Variants in PTCD3 observed in about 807,000 individuals in gnomAD.
PTCD3 encodes small ribosomal subunit protein mS39.
In PTCD3, 89 loss-of-function variants were observed where a neutral mutation model predicts 101.9. The ratio of observed to expected loss-of-function variants is 0.87; its 90% confidence interval spans 0.74 to 1.04. The LOEUF (loss-of-function observed/expected upper bound fraction) is 1.04, where lower values mean the gene tolerates loss of function less well. PTCD3 is among the 50% of genes least tolerant of loss of function. The pLI, the probability that PTCD3 is intolerant of heterozygous loss-of-function variation, is 0.00. For synonymous variants in PTCD3, 296 were observed against 278.5 expected (o/e 1.06, Z -0.63); for missense variants, 870 against 828.2 (o/e 1.05, Z -0.62).
intron 22 of PTCD3, 56 bp downstream of exon 22, chr2:86,136,618 G>A (rs1440254703): frequency 6.4e-7 from 1 of 1,558,344 alleles, no homozygotes; most frequent in Non-Finnish European, 8.9e-7. Context: ...GCCACATTTG[G>A]AATTTCTTCA....
At position 86,125,083 on chromosome 2, in the gene PTCD3, G is replaced by T. The variant is rs1674359386; in HGVS notation, c.804+1G>T. The T allele has an allele frequency of 1.2e-6, 2 of 1,613,092 alleles. No homozygotes were observed. Among genetic ancestry groups the T allele is most frequent in the South Asian group, 2.2e-5 (2 of 90,816 alleles). On this transcript the variant is annotated splice_donor_variant, in intron 10 of 23. Transcript: ENST00000254630. LOFTEE classifies it high-confidence loss of function. Reference sequence around the variant, plus strand: ...CACAATGATCCGAGGAATGGTGAAGGTACATTTGTTTTATTTATTTTTGTC... The same window carrying T: ...CACAATGATCCGAGGAATGGTGAAGTTACATTTGTTTTATTTATTTTTGTC...
In PTCD3 at chr2:86,111,191, A is replaced by G. The variant is rs746013740; in HGVS notation, c.240+33A>G. On this transcript the variant is annotated intron_variant, in intron 4 of 23. Transcript: ENST00000254630. ...GGATTTTGTGTTTTTTTTTAACCTAAAACTTGGCTAATAACACACTTTTTA... is the reference window on the plus strand; with the variant it reads ...GGATTTTGTGTTTTTTTTTAACCTAGAACTTGGCTAATAACACACTTTTTA... The G allele has an allele frequency of 6.4e-5, 100 of 1,566,918 alleles. 2 individuals are homozygous for G. The East Asian group carries it at 2.1e-3, about 33-fold the overall frequency.
At position 86,121,500 on chromosome 2, in the gene PTCD3, C is replaced by T. The variant is rs1388098356; in HGVS notation, c.560C>T (p.Thr187Ile). Residue 187 changes from threonine (T) to isoleucine (I), a missense_variant, in exon 8 of 24, where the codon ACA becomes ATA. Coordinates refer to ENST00000254630, the MANE Select transcript of PTCD3 (RefSeq NM_017952.6). ...LQAGTTVSLE[T>I]TNSLLDLLCY... ...ACAGGAACCACTGTGTCTCTTGAAA[C>T]AACAAATAGTCTCTTGGATTTATTG... 2 of 1,604,128 alleles carry T rather than the reference C, an allele frequency of 1.2e-6. No homozygotes were observed. Among genetic ancestry groups the T allele is most frequent in the East Asian group, 4.5e-5 (2 of 44,770 alleles).
chr2:86,122,443 A>T (rs1265252729), intron 8 of PTCD3, among the ~76,000 whole-genome samples: 1 of 152,114 alleles, frequency 6.6e-6, no homozygotes, highest in Non-Finnish European at 1.5e-5. Context: ...ACAGGGTCTC[A>T]CTCTGTCACC....
chr2:86,120,539 C>A (rs922521014), intron 7 of PTCD3, among the ~76,000 whole-genome samples: 2 of 152,196 alleles, frequency 1.3e-5, no homozygotes, highest in South Asian at 2.1e-4. Context: ...CCTGCTTTCT[C>A]TTCTGGACTT....
chr2:86,124,844 T>C (rs1674354488), intron 9 of PTCD3, 151 bp from the exon 10 acceptor site: 1 of 1,119,570 alleles, frequency 8.9e-7, no homozygotes, highest in Non-Finnish European at 1.2e-6. Context: ...ATTTTCAAAA[T>C]GATAATAACC....
At chr2:86,110,806 A>G (rs575471624) in intron 3 of PTCD3, among the ~76,000 whole-genome samples, 2 of 152,320 alleles carry the variant, frequency 1.3e-5, no homozygotes, top group East Asian at 3.9e-4. Context: ...GTAAGAATCC[A>G]TAGGAAAGTG....
In PTCD3 at chr2:86,137,376, A is replaced by G. The variant is rs1558801490; in HGVS notation, c.1980-93A>G. 12 of 1,531,554 alleles carry G rather than the reference A, an allele frequency of 7.8e-6. No homozygotes were observed. The South Asian group carries it at 1.1e-4, about 14-fold the overall frequency. The allele number at this position is 1,531,554 out of a possible 1,614,324, so 94.9% of individuals were successfully genotyped here. A position where few individuals can be genotyped will look rare whatever the true frequency, so the allele number is the denominator to read the frequency against. ...TGCAGGGTCCCTTTTTCTGATTTCAAAACTGACAGGCTATAGGTGAGTGTC... is the reference window on the plus strand; with the variant it reads ...TGCAGGGTCCCTTTTTCTGATTTCAGAACTGACAGGCTATAGGTGAGTGTC... On this transcript the variant is annotated intron_variant, in intron 23 of 23. Coordinates refer to ENST00000254630, the MANE Select transcript of PTCD3 (RefSeq NM_017952.6).
intron 1 of PTCD3, among the ~76,000 whole-genome samples, chr2:86,106,569 T>G (rs1395053587): frequency 6.6e-6 from 1 of 152,254 alleles, no homozygotes; most frequent in Non-Finnish European, 1.5e-5. Flanking sequence ...GCTTGCAATA[T>G]TCTGTAGTTA....
At chr2:86,133,502 G>A in intron 19 of PTCD3, 66 bp downstream of exon 19, 2 of 1,411,102 alleles carry the variant, frequency 1.4e-6, no homozygotes, top group Non-Finnish European at 2.0e-6. Flanking sequence ...GATAATGAAT[G>A]TGCTAACATT....
chr2:86,112,330 A>G (rs1295430409), intron 4 of PTCD3, among the ~76,000 whole-genome samples: 2 of 149,546 alleles, frequency 1.3e-5, no homozygotes, highest in Admixed American at 1.3e-4. Flanking sequence ...TGCTGGGATT[A>G]CAGATGTGAG....
At chr2:86,108,265 A>G in intron 1 of PTCD3, 85 bp from the exon 2 acceptor site, 1 of 1,452,892 alleles carries the variant, frequency 6.9e-7, no homozygotes, top group Admixed American at 2.2e-5. Flanking sequence ...TAATTGGAGA[A>G]TTTGGGCTCA....
chr2:86,124,512 C>T (rs1027440522), intron 9 of PTCD3, among the ~76,000 whole-genome samples: 1 of 152,136 alleles, frequency 6.6e-6, no homozygotes, highest in Non-Finnish European at 1.5e-5. Flanking sequence ...GTAATTCCAG[C>T]TACTCGAGAG....
chr2:86,135,724 G>C (rs1254573223), intron 21 of PTCD3: 1 of 325,390 alleles, frequency 3.1e-6, no homozygotes, highest in Non-Finnish European at 6.0e-6. Flanking sequence ...TTGCTAGTCA[G>C]CTATCTCCAG....
In PTCD3 at chr2:86,124,974, C is replaced by T. The variant is rs774804326; in HGVS notation, c.717-21C>T. ...TGGTATTTCTTATTGCCTGGGTTCA[C>T]ATTTACTCTCTTGTGTCTAGAGCAA... is the stretch of plus-strand genomic sequence containing the variant. On this transcript the variant is annotated intron_variant, in intron 9 of 23. Coordinates refer to ENST00000254630, the MANE Select transcript of PTCD3 (RefSeq NM_017952.6). 7 of 1,612,284 alleles carry T rather than the reference C, an allele frequency of 4.3e-6. No homozygotes were observed. The South Asian group carries it at 7.7e-5, about 18-fold the overall frequency.
In PTCD3 at chr2:86,130,645, C is replaced by A; in HGVS notation, c.1148-3C>A. 1 of 1,607,566 alleles carries A rather than the reference C, an allele frequency of 6.2e-7. No individual in the cohort carries two copies. The highest frequency in any genetic ancestry group is 1.7e-4 in the Middle Eastern group (1 of 6,046). ...TAAACACATTTGCTTTCTTGTTCTGCAGGAGACCCTTTAAAGAGATCATCC... is the reference window on the plus strand; with the variant it reads ...TAAACACATTTGCTTTCTTGTTCTGAAGGAGACCCTTTAAAGAGATCATCC... On this transcript the variant is annotated splice_polypyrimidine_tract_variant and splice_region_variant and intron_variant, in intron 14 of 23. Coordinates refer to ENST00000254630, the MANE Select transcript of PTCD3 (RefSeq NM_017952.6).
At chr2:86,115,157 A>G (rs898240099) in intron 4 of PTCD3, among the ~76,000 whole-genome samples, 1 of 152,212 alleles carries the variant, frequency 6.6e-6, no homozygotes, top group African/African-American at 2.4e-5. Context: ...TCCAATATCC[A>G]GGTTCCCAGA....
chr2:86,134,988 G>T lies in PTCD3; in HGVS notation c.1778+1G>T. On this transcript the variant is annotated splice_donor_variant, in intron 21 of 23. Transcript: ENST00000254630. LOFTEE classifies it high-confidence loss of function. ...GGGCTGGGAGAACTCAGGAAGCCTGGTGAGTACAGTACCACAAGTATACAC... is the reference window on the plus strand; with the variant it reads ...GGGCTGGGAGAACTCAGGAAGCCTGTTGAGTACAGTACCACAAGTATACAC... The T allele has an allele frequency of 1.2e-6, 2 of 1,613,890 alleles. No individual in the cohort carries two copies. The highest frequency in any genetic ancestry group is 1.7e-6 in the Non-Finnish European group (2 of 1,179,776).
intron 17 of PTCD3, 97 bp downstream of exon 17, chr2:86,132,521 C>A: frequency 2.6e-6 from 2 of 777,880 alleles, no homozygotes; most frequent in Non-Finnish European, 4.2e-6. Context: ...TGGTTTCAGG[C>A]AACATGCCAA....
Sources: allele counts gnomAD v4.1 joint callset (sites outside exome capture counted in the v4.1 genomes callset), GRCh38; gene constraint gnomAD v4.1.1; transcripts MANE v1.5; gene names NCBI Gene and HGNC (gene_info 2026-07-23, HGNC 2026-07-21).